Variants in EVC observed in about 807,000 individuals in gnomAD.
EVC encodes the protein evC complex member EVC.
In EVC, 116 loss-of-function variants were observed where a neutral mutation model predicts 118.9. That is an observed-to-expected ratio of 0.98 (90% confidence interval 0.84 to 1.14). The LOEUF (loss-of-function observed/expected upper bound fraction) is 1.14. Among genes scored for constraint, EVC ranks in the 50% most tolerant of loss-of-function variants. The probability of loss-of-function intolerance (pLI) is 0.00; values close to 1 mark genes in which losing one functional copy is unlikely to be tolerated. For synonymous variants in EVC, 619 were observed against 534.7 expected (o/e 1.16, Z -2.18); for missense variants, 1,401 against 1,246.4 (o/e 1.12, Z -1.87).
intron 2 of EVC, 57 bp from the exon 3 acceptor site, chr4:5,729,250 A>T: frequency 6.4e-7 from 1 of 1,562,118 alleles, no homozygotes; most frequent in East Asian, 2.2e-5. Context: ...AAAACTTGAC[A>T]ACTTATCCTT....
the EVC span, chr4:5,825,695 C>G: frequency 3.9e-4 from 630 of 1,607,058 alleles, 1 homozygote; most frequent in African/African-American, 7.3e-3. The surrounding 1 kb of genome is among the most constrained non-coding windows in gnomAD (Gnocchi z 4.4). Flanking sequence ...TTGATCGACA[C>G]TGTGCATGTG....
intron 15 of EVC, among the ~76,000 whole-genome samples, chr4:5,799,768 C>T (rs546159250): frequency 1.4e-4 from 22 of 152,290 alleles, no homozygotes; most frequent in African/African-American, 5.3e-4. Context: ...CGTGTCTGTG[C>T]AGCAAAGAGG....
Position 5,756,432 on chromosome 4 carries a change from C to T in EVC, c.1563+70C>T. ...TGTGTGTGCGAGAACCTCACATCCT[C>T]CTGGCTGGGGACCCCAGAGGTGGTT... On this transcript the variant is annotated intron_variant, in intron 11 of 20. Transcript: ENST00000264956. The surrounding 1 kb of genome is among the most constrained non-coding windows in gnomAD (Gnocchi z 4.2). 1.5e-6 allele frequency: 2 copies of T among 1,372,346 alleles called. No homozygotes were observed. The highest frequency in any genetic ancestry group is 2.0e-6 in the Non-Finnish European group (2 of 984,002). 85.0% of individuals were successfully genotyped at this position (1,372,346 alleles called of 1,614,324 possible).
At chr4:5,824,889 A>C in the EVC span, 1 of 985,372 alleles carries the variant, frequency 1.0e-6, no homozygotes, top group Middle Eastern at 5.2e-4. Context: ...CTGCCCTGAG[A>C]CCTTAAGAAA....
chr4:5,828,454 C>T, the EVC span: 1 of 1,602,366 alleles, frequency 6.2e-7, no homozygotes, highest in South Asian at 1.1e-5. Context: ...GCTCTGGTCC[C>T]ACGGGTGGGC....
At chr4:5,726,798 A>G (rs1725927230) in intron 2 of EVC, among the ~76,000 whole-genome samples, 1 of 133,522 alleles carries the variant, frequency 7.5e-6, no homozygotes, top group South Asian at 2.4e-4. Context: ...TTCAATTCCC[A>G]CCTATGAGTG....
At chr4:5,806,850 T>C (rs528143623) in intron 17 of EVC, among the ~76,000 whole-genome samples, 2 of 152,322 alleles carry the variant, frequency 1.3e-5, no homozygotes, top group Non-Finnish European at 1.5e-5. Context: ...CCAAGTGTTA[T>C]AGTTTGTCTT....
At chr4:5,827,794 G>A in the EVC span, among the ~76,000 whole-genome samples, 2,301 of 152,180 alleles carry the variant, frequency 0.015, 53 homozygotes, top group African/African-American at 0.052. Flanking sequence ...GTCTCATGGG[G>A]AAAGCAGCTG....
rs1029336307 is a variant in EVC at position 5,811,144 on chromosome 4, A to G, written c.*107A>G. ...CAGCGAGGACGGAGAGGACAGCGGC[A>G]TCTCTAGGCTCTTCTGAGAGGGACA... On this transcript the variant is annotated 3_prime_UTR_variant, in exon 21 of 21. Coordinates refer to ENST00000264956, the MANE Select transcript of EVC (RefSeq NM_153717.3). 1.2e-6 allele frequency: 1 copy of G among 849,070 alleles called. No homozygotes were observed. The allele number at this position is 849,070 out of a possible 1,614,324, so 52.6% of individuals were successfully genotyped here.
rs1426038576 is a variant in EVC at position 5,737,547 on chromosome 4, T to C, written c.702+4112T>C. On this transcript the variant is annotated intron_variant, in intron 5 of 20. Transcript: ENST00000264956. The surrounding 1 kb of genome is among the most constrained non-coding windows in gnomAD (Gnocchi z 5.0). ...GGCTGACTCTCTCGCTAGGGGCTAA[T>C]GCGGGAGATGACTTTAAGTTGAAGC... is the stretch of plus-strand genomic sequence containing the variant. 6.6e-6 allele frequency among the ~76,000 whole-genome samples: 1 copy of C among 152,216 alleles called. No individual in the cohort carries two copies. The highest frequency in any genetic ancestry group is 2.4e-5 in the African/African-American group (1 of 41,466).
intron 7 of EVC, among the ~76,000 whole-genome samples, chr4:5,747,044 G>T (rs1374952888): frequency 6.6e-6 from 1 of 152,164 alleles, no homozygotes; most frequent in Non-Finnish European, 1.5e-5. Flanking sequence ...GAGCCTGAGG[G>T]TGTCAGGCAG....
chr4:5,736,905 GC>G (rs1420863265), intron 5 of EVC, among the ~76,000 whole-genome samples: 14 of 152,222 alleles, frequency 9.2e-5, no homozygotes, highest in Middle Eastern at 3.4e-3. Flanking sequence ...AAAGAGAGTC[GC>G]GTGTCTCTCA....
At chr4:5,783,400 A>G (rs946804441) in intron 11 of EVC, 152 bp from the exon 12 acceptor site, 25 of 754,058 alleles carry the variant, frequency 3.3e-5, no homozygotes, top group East Asian at 1.1e-4. Flanking sequence ...ATGTGTGTCT[A>G]TGCATGCTTG....
At chr4:5,741,179 A>C (rs796387484) in intron 5 of EVC, among the ~76,000 whole-genome samples, 16 of 152,356 alleles carry the variant, frequency 1.1e-4, no homozygotes, top group African/African-American at 3.1e-4. Context: ...GAAATAATCC[A>C]GATGTCTTAC....
chr4:5,759,542 C>A (rs1208984436), intron 11 of EVC, among the ~76,000 whole-genome samples: 2 of 152,146 alleles, frequency 1.3e-5, no homozygotes, highest in South Asian at 4.1e-4. Flanking sequence ...TCCTCCTCAC[C>A]CCCTATGGTA....
At chr4:5,796,509 T>G (rs943354053) in intron 13 of EVC, among the ~76,000 whole-genome samples, 1 of 152,114 alleles carries the variant, frequency 6.6e-6, no homozygotes, top group African/African-American at 2.4e-5. Context: ...TAGTGGGGAA[T>G]GACTTTTATT....
intron 14 of EVC, among the ~76,000 whole-genome samples, chr4:5,797,919 A>G (rs140877546): frequency 1.8e-3 from 274 of 152,288 alleles, no homozygotes; most frequent in African/African-American, 5.6e-3. Context: ...AGAAATAATT[A>G]GTAAGTTGTA....
At chr4:5,815,983 A>AGGAG (rs1380710582), downstream of EVC, among the ~76,000 whole-genome samples, 3 of 151,734 alleles carry the variant, frequency 2.0e-5, no homozygotes, top group Non-Finnish European at 4.4e-5. Flanking sequence ...TTGGAAAGGA[A>AGGAG]GGAGGGAGGG....
rs2101045 is a variant in EVC, at chr4:5,743,274, G to T, written c.801+1460G>T. On this transcript the variant is annotated intron_variant, in intron 6 of 20. Coordinates refer to ENST00000264956, the MANE Select transcript of EVC (RefSeq NM_153717.3). The surrounding 1 kb of genome is among the most constrained non-coding windows in gnomAD (Gnocchi z 4.7). ...GGACCAGATCCCATTTTGATCAGCAGGGTTGTGATCAGAAAACAAGTCCTG... is the reference window on the plus strand; with the variant it reads ...GGACCAGATCCCATTTTGATCAGCATGGTTGTGATCAGAAAACAAGTCCTG... 0.064 allele frequency among the ~76,000 whole-genome samples: 9,768 copies of T among 151,756 alleles called. 452 individuals carry two copies. The highest frequency in any genetic ancestry group is 0.092 in the Non-Finnish European group (6,221 of 67,986).
Sources: gnomAD v4.1 joint callset for allele counts (sites outside exome capture counted in the v4.1 genomes callset) on GRCh38, gnomAD v4.1.1 for gene constraint, Gnocchi (gnomAD v3.1) non-coding constraint, MANE v1.5 for transcripts, NCBI Gene and HGNC (gene_info 2026-07-23, HGNC 2026-07-21) for gene names.